NCAM1: variants seen among roughly 807,000 people sequenced by gnomAD.
NCAM1 encodes the protein antigen recognized by monoclonal antibody 5.1H11.
A neutral mutation model predicts 109.8 loss-of-function variants in NCAM1; 14 were observed. The observed-to-expected ratio is 0.13, with a 90% CI of 0.08 to 0.20. The LOEUF (loss-of-function observed/expected upper bound fraction) is 0.20, where lower values mean the gene tolerates loss of function less well. Among genes scored for constraint, NCAM1 ranks in the 10% least tolerant of loss-of-function variants. The probability of loss-of-function intolerance (pLI) is 1.00; values close to 1 mark genes in which losing one functional copy is unlikely to be tolerated. For synonymous variants in NCAM1, 418 were observed against 442.9 expected (o/e 0.94, Z 0.70); for missense variants, 774 against 1,109.9 (o/e 0.70, Z 4.30).
intron 1 of NCAM1, among the ~76,000 whole-genome samples, chr11:113,126,543 A>G (rs2136083532): frequency 6.6e-6 from 1 of 152,314 alleles, no homozygotes; most frequent in Non-Finnish European, 1.5e-5. Context: ...TTTATTGCTT[A>G]GTCTTTAAGC....
chr11:113,185,079 T>TATATATATATAGAGAGAGAGAG, intron 1 of NCAM1, among the ~76,000 whole-genome samples: 110 of 125,678 alleles, frequency 8.8e-4, no homozygotes, highest in East Asian at 4.9e-3. Flanking sequence ...TATATATATA[T>TATATATATATAGAGAGAGAGAG]AGAGAGAGAG....
chr11:113,235,389 T>A, intron 14 of NCAM1: 1 of 939,352 alleles, frequency 1.1e-6, no homozygotes, highest in Non-Finnish European at 1.7e-6. Context: ...ACTGTCCTAG[T>A]AGCCGGTCCA....
chr11:113,119,919 T>A (rs1054081807), intron 1 of NCAM1, among the ~76,000 whole-genome samples: 70 of 152,218 alleles, frequency 4.6e-4, no homozygotes, highest in Non-Finnish European at 8.8e-4. Context: ...TTATTCTCAA[T>A]TCATGATGAC....
At chr11:113,229,905 C>T (rs1358812878) in intron 9 of NCAM1, among the ~76,000 whole-genome samples, 4 of 151,470 alleles carry the variant, frequency 2.6e-5, no homozygotes, top group South Asian at 2.1e-4. Context: ...GACACAGAAA[C>T]GGGAACATCA....
At chr11:113,171,668 TAAAG>T (rs1193093054) in intron 1 of NCAM1, among the ~76,000 whole-genome samples, 6 of 130,172 alleles carry the variant, frequency 4.6e-5, no homozygotes, top group African/African-American at 1.7e-4. Context: ...AATAAATAAA[TAAAG>T]AGAAGAGATA....
intron 9 of NCAM1, chr11:113,221,698 G>A (rs1034753729): frequency 2.2e-5 from 4 of 181,190 alleles, no homozygotes; most frequent in Admixed American, 5.7e-5. Flanking sequence ...AAGTCACAGA[G>A]TTAGTGATCT....
chr11:113,112,007 T>C (rs1940469349), intron 1 of NCAM1, among the ~76,000 whole-genome samples: 1 of 152,234 alleles, frequency 6.6e-6, no homozygotes, highest in Non-Finnish European at 1.5e-5. Flanking sequence ...TCCCAGAACA[T>C]GGTTGCTTTA....
At chr11:113,252,756 C>T (rs949389956) in intron 15 of NCAM1, among the ~76,000 whole-genome samples, 3 of 146,154 alleles carry the variant, frequency 2.1e-5, no homozygotes, top group Non-Finnish European at 4.5e-5. Flanking sequence ...GTGCCTCAGC[C>T]TCTTCAGTAG....
At chr11:113,037,519 G>A (rs1016851173) in intron 1 of NCAM1, among the ~76,000 whole-genome samples, 1 of 152,134 alleles carries the variant, frequency 6.6e-6, no homozygotes, top group Admixed American at 6.5e-5. Context: ...CAGAGACCCC[G>A]TCTCCATCAT....
In NCAM1 at chr11:113,277,351, C is replaced by T; in HGVS notation, c.*1964C>T. 2.5e-6 allele frequency: 1 copy of T among 399,128 alleles called. No individual in the cohort carries two copies. The highest frequency in any genetic ancestry group is 4.4e-6 in the Non-Finnish European group (1 of 226,152). The allele number at this position is 399,128 out of a possible 1,614,324, so 24.7% of individuals were successfully genotyped here. A position where few individuals can be genotyped will look rare whatever the true frequency, so the allele number is the denominator to read the frequency against. ...GGGGTTATGTTGCATTTTCTCAGCT[C>T]CTGGGGATGGAAATGGAGGATCCCA... On this transcript the variant is annotated 3_prime_UTR_variant, in exon 20 of 20. Transcript: ENST00000316851.
chr11:113,076,526 C>T (rs1344719635), intron 1 of NCAM1, among the ~76,000 whole-genome samples: 1 of 152,214 alleles, frequency 6.6e-6, no homozygotes, highest in African/African-American at 2.4e-5. Context: ...AACCTAGACA[C>T]TAAAAAACAT....
At chr11:113,085,676 G>A (rs1358909869) in intron 1 of NCAM1, among the ~76,000 whole-genome samples, 3 of 152,066 alleles carry the variant, frequency 2.0e-5, no homozygotes, top group Non-Finnish European at 2.9e-5. Context: ...CACAGGCTTC[G>A]GTTTATGTGT....
At chr11:113,220,598 C>CTTT (rs1565508438) in intron 8 of NCAM1, among the ~76,000 whole-genome samples, 15 of 105,646 alleles carry the variant, frequency 1.4e-4, no homozygotes, top group African/African-American at 6.1e-4. Context: ...CTCTCTCTCT[C>CTTT]TCTCTTTTTT....
At chr11:113,199,939 G>A (rs1465917110) in intron 1 of NCAM1, among the ~76,000 whole-genome samples, 1 of 151,570 alleles carries the variant, frequency 6.6e-6, no homozygotes, top group Non-Finnish European at 1.5e-5. Flanking sequence ...ATGGCCCAGA[G>A]ATAGATCCTG....
intron 9 of NCAM1, among the ~76,000 whole-genome samples, chr11:113,228,692 A>G (rs1352609161): frequency 3.9e-5 from 6 of 152,136 alleles, no homozygotes; most frequent in African/African-American, 1.2e-4. Context: ...ATACTACAAG[A>G]CTACAGTAAC....
At chr11:113,063,908 G>A (rs1462201140) in intron 1 of NCAM1, among the ~76,000 whole-genome samples, 1 of 152,184 alleles carries the variant, frequency 6.6e-6, no homozygotes, top group Non-Finnish European at 1.5e-5. Context: ...ACAGAAAGGA[G>A]AATCTGTATT....
At chr11:113,226,816 G>A (rs1237945024) in intron 9 of NCAM1, among the ~76,000 whole-genome samples, 1 of 152,198 alleles carries the variant, frequency 6.6e-6, no homozygotes, top group Non-Finnish European at 1.5e-5. Flanking sequence ...TGAACAACCT[G>A]CTCCTGAATG....
chr11:113,204,332 T>A lies in NCAM1; in HGVS notation c.174T>A (p.Asn58Lys). Residue 58 changes from asparagine (N) to lysine (K), a missense_variant, in exon 3 of 20, where the codon AAT (asparagine) becomes AAA (lysine). Asn to Lys is a moderately conservative substitution (Grantham distance 94, BLOSUM62 0). Around this residue, in one of 4 missense-constraint regions of NCAM1, gnomAD observed 112 missense variants for 142.0 expected, o/e 0.79. Transcript: ENST00000316851. ...KDKDISWFSP[N>K]GEKLTPNQQR... ...AAGACATCTCCTGGTTCTCCCCCAA[T>A]GGAGAAAAGCTCACCCCAAACCAGC... 3.7e-6 allele frequency: 6 copies of A among 1,613,814 alleles called. No individual in the cohort carries two copies. Among genetic ancestry groups the A allele is most frequent in the Non-Finnish European group, 5.1e-6 (6 of 1,179,830 alleles).
chr11:112,962,352 A>G lies in NCAM1; in HGVS notation c.52+688A>G, dbSNP rs1555063492. Among the ~76,000 whole-genome samples the G allele has an allele frequency of 6.6e-6, 1 of 152,062 alleles. No individual in the cohort carries two copies. The highest frequency in any genetic ancestry group is 2.4e-5 in the African/African-American group (1 of 41,428). On this transcript the variant is annotated intron_variant, in intron 1 of 19. Transcript: ENST00000316851. This position sits in a 1 kb window ranked among gnomAD's most constrained non-coding sequence, Gnocchi z 5.6. ...GCCTACCCTCGGCCGCGAGCACTGA[A>G]GGATGGGAGGGTCGAGCGCCGCGTT...
Sources: allele counts gnomAD v4.1 joint callset (sites outside exome capture counted in the v4.1 genomes callset), GRCh38; gene constraint gnomAD v4.1.1; regional missense constraint gnomAD v4.1.1; non-coding constraint Gnocchi (gnomAD v3.1); transcripts MANE v1.5; gene names NCBI Gene and HGNC (gene_info 2026-07-23, HGNC 2026-07-21).